Variants in CSMD1 observed in about 807,000 individuals in gnomAD.
CSMD1 encodes the protein CUB and sushi domain-containing protein 1.
In CSMD1, 213 loss-of-function variants were observed where a neutral mutation model predicts 417.5. The ratio of observed to expected loss-of-function variants is 0.51; its 90% CI spans 0.46 to 0.57. The LOEUF is 0.57. Among genes scored for constraint, CSMD1 ranks in the 20% least tolerant of loss-of-function variants. The pLI, the probability that CSMD1 is intolerant of heterozygous loss-of-function variation, is 0.00. For missense variants in CSMD1, 6,923 were observed against 4,529.7 expected, an observed-to-expected ratio of 1.53 and a Z score of -15.17; for synonymous variants, 2,862 against 1,736.8, an observed-to-expected ratio of 1.65 and a Z score of -16.11.
chr8:4,984,992 T>C (rs916914444), intron 1 of CSMD1, among the ~76,000 whole-genome samples: 2 of 152,146 alleles, frequency 1.3e-5, no homozygotes, highest in African/African-American at 2.4e-5. Flanking sequence ...TCATCCTCTT[T>C]GTTAAAAATG....
intron 3 of CSMD1, among the ~76,000 whole-genome samples, chr8:4,275,476 G>C (rs1288375396): frequency 6.6e-6 from 1 of 150,594 alleles, no homozygotes; most frequent in Non-Finnish European, 1.5e-5. Flanking sequence ...GTAGATCACA[G>C]ATCTCGTAGA....
intron 1 of CSMD1, among the ~76,000 whole-genome samples, chr8:4,810,614 G>A (rs1037279966): frequency 6.6e-6 from 1 of 152,160 alleles, no homozygotes; most frequent in Non-Finnish European, 1.5e-5. Context: ...TCCCTTAGGG[G>A]TTCCAGGAAA....
intron 12 of CSMD1, among the ~76,000 whole-genome samples, chr8:3,410,221 T>C (rs17066034): frequency 0.097 from 14,714 of 152,250 alleles, 886 homozygotes; most frequent in East Asian, 0.26. Context: ...AAATGTTAAC[T>C]ACACAGAATG....
At chr8:3,560,836 G>C (rs1585369561) in intron 10 of CSMD1, among the ~76,000 whole-genome samples, 1 of 152,118 alleles carries the variant, frequency 6.6e-6, no homozygotes, top group Non-Finnish European at 1.5e-5. Context: ...GTAACACAAT[G>C]GCTTAGGGTA....
At chr8:4,257,973 C>T (rs1309075704) in intron 3 of CSMD1, among the ~76,000 whole-genome samples, 2 of 152,076 alleles carry the variant, frequency 1.3e-5, no homozygotes, top group Admixed American at 1.3e-4. Flanking sequence ...GCTCAAGCTG[C>T]CATAAAAGAA....
chr8:4,285,146 G>A (rs1478321355), intron 3 of CSMD1, among the ~76,000 whole-genome samples: 2 of 152,150 alleles, frequency 1.3e-5, no homozygotes, highest in African/African-American at 2.4e-5. Flanking sequence ...AGATATTTTG[G>A]TTGTCCACAA....
At chr8:4,344,151 G>A (rs1326927558) in intron 3 of CSMD1, among the ~76,000 whole-genome samples, 1 of 152,080 alleles carries the variant, frequency 6.6e-6, no homozygotes, top group African/African-American at 2.4e-5. Context: ...ACTGAGAAAT[G>A]CCTTGTTAAT....
intron 36 of CSMD1, 55 bp downstream of exon 36, chr8:3,187,814 T>C: frequency 7.7e-7 from 1 of 1,295,952 alleles, no homozygotes. Context: ...TATGTTGTTT[T>C]CTTGGTGTTT....
chr8:4,373,862 C>G (rs1008732550), intron 3 of CSMD1, among the ~76,000 whole-genome samples: 1 of 152,122 alleles, frequency 6.6e-6, no homozygotes, highest in African/African-American at 2.4e-5. Flanking sequence ...ATGTATAATT[C>G]TTTCTTTTGC....
In CSMD1 at chr8:2,942,551, C is replaced by T; in HGVS notation, c.10456G>A (p.Gly3486Ser). The T allele has an allele frequency of 1.2e-6, 2 of 1,609,280 alleles. No homozygotes were observed. Among genetic ancestry groups the T allele is most frequent in the Non-Finnish European group, 1.7e-6 (2 of 1,177,388 alleles). ...SSSHYHGTSS[G>S]SVAAAILVPF... ...ACCAGAATGGCAGCCGCCACAGAGC[C>T]ACTGCTGGTGCCGTGGTAATGACTG... The change falls in exon 69 of 70, where the codon GGC becomes AGC. Residue 3486 changes from glycine (G) to serine (S), a missense_variant. By Grantham distance (56) the Gly-to-Ser change is moderately conservative. Transcript: ENST00000635120.
At chr8:3,554,573 A>G (rs571634498) in intron 10 of CSMD1, among the ~76,000 whole-genome samples, 10 of 152,324 alleles carry the variant, frequency 6.6e-5, no homozygotes, top group East Asian at 3.9e-4. Context: ...TGAAGAAGCT[A>G]CAGCCCCTCT....
intron 12 of CSMD1, among the ~76,000 whole-genome samples, chr8:3,464,752 C>A (rs541264620): frequency 3.7e-4 from 56 of 152,012 alleles, no homozygotes; most frequent in African/African-American, 1.3e-3. Context: ...ATGGCTCTAT[C>A]ATAATTAATT....
At chr8:3,676,691 G>T (rs573075456) in intron 7 of CSMD1, among the ~76,000 whole-genome samples, 4 of 152,208 alleles carry the variant, frequency 2.6e-5, no homozygotes, top group Non-Finnish European at 5.9e-5. Flanking sequence ...TCTTAAAGAT[G>T]ACTGTCCATT....
intron 1 of CSMD1, among the ~76,000 whole-genome samples, chr8:4,923,172 TTA>T (rs1806612989): frequency 6.6e-6 from 1 of 152,204 alleles, no homozygotes; most frequent in African/African-American, 2.4e-5. Context: ...TTTTTCAGTT[TTA>T]GATGACCACT....
At chr8:3,525,380 T>C (rs1309823792) in intron 10 of CSMD1, among the ~76,000 whole-genome samples, 2 of 152,090 alleles carry the variant, frequency 1.3e-5, no homozygotes, top group African/African-American at 4.8e-5. Flanking sequence ...AATTCTAAGG[T>C]GGATTTAATT....
chr8:4,080,297 G>A (rs1585269830), intron 3 of CSMD1, among the ~76,000 whole-genome samples: 2 of 152,118 alleles, frequency 1.3e-5, no homozygotes, highest in Non-Finnish European at 2.9e-5. Context: ...CGGTTACAGT[G>A]TACCTAAGAG....
chr8:4,309,879 G>A (rs181889005), intron 3 of CSMD1, among the ~76,000 whole-genome samples: 1 of 152,122 alleles, frequency 6.6e-6, no homozygotes, highest in Admixed American at 6.6e-5. Flanking sequence ...TCACTTCAGA[G>A]GGTCTTACAT....
chr8:4,564,177 G>A (rs1038391890), intron 2 of CSMD1, among the ~76,000 whole-genome samples: 2 of 152,146 alleles, frequency 1.3e-5, no homozygotes, highest in Admixed American at 6.5e-5. Flanking sequence ...TCAAGTCATT[G>A]TTGAGCTTTC....
At chr8:3,711,505 T>G (rs1339963647) in intron 6 of CSMD1, among the ~76,000 whole-genome samples, 1 of 152,176 alleles carries the variant, frequency 6.6e-6, no homozygotes, top group Non-Finnish European at 1.5e-5. Flanking sequence ...ACTACGGAAC[T>G]CTCAGAGAGG....
Sources: allele counts gnomAD v4.1 joint callset (sites outside exome capture counted in the v4.1 genomes callset), GRCh38; gene constraint gnomAD v4.1.1; transcripts MANE v1.5; gene names NCBI Gene and HGNC (gene_info 2026-07-23, HGNC 2026-07-21).